ALG14: variants seen among roughly 807,000 people sequenced by gnomAD.
ALG14 encodes the protein ALG14 UDP-N-acetylglucosaminyltransferase subunit, also known as UDP-N-acetylglucosamine transferase subunit ALG14.
Under a neutral mutation model 22.8 loss-of-function variants are expected in ALG14, and 17 were observed. The observed-to-expected ratio is 0.75, with a 90% CI of 0.51 to 1.12. The LOEUF (loss-of-function observed/expected upper bound fraction) is 1.12. ALG14 is among the 50% of genes most tolerant of loss of function. The pLI is 0.00. For missense variants in ALG14, 288 were observed against 271.8 expected (o/e 1.06, Z -0.42); for synonymous variants, 89 against 103.7 (o/e 0.86, Z 0.86).
At chr1:95,061,789 C>T (rs1239514115) in intron 2 of ALG14, 1 of 152,266 alleles carries the variant, frequency 6.6e-6, no homozygotes, top group Non-Finnish European at 1.5e-5. Flanking sequence ...ATTCCATTCT[C>T]TAGGTCTCCA....
At chr1:94,990,298 A>G (rs143120047) in intron 3 of ALG14, among the ~76,000 whole-genome samples, 138 of 152,318 alleles carry the variant, frequency 9.1e-4, no homozygotes, top group Non-Finnish European at 1.2e-3. Flanking sequence ...AGGAAGGAAA[A>G]GGATGTGCAG....
chr1:95,037,126 A>G (rs1446625997), intron 2 of ALG14, among the ~76,000 whole-genome samples: 1 of 151,760 alleles, frequency 6.6e-6, no homozygotes, highest in Non-Finnish European at 1.5e-5. Flanking sequence ...CCTTTTATAA[A>G]TGCACATTTA....
intron 2 of ALG14, among the ~76,000 whole-genome samples, chr1:95,057,023 T>C (rs1571665405): frequency 7.5e-6 from 1 of 134,138 alleles, no homozygotes; most frequent in Non-Finnish European, 1.5e-5. Context: ...GCCACTGCAC[T>C]CCAGCCTGGG....
chr1:95,035,938 A>G (rs1023077116), intron 2 of ALG14: 1 of 152,248 alleles, frequency 6.6e-6, no homozygotes, highest in Non-Finnish European at 1.5e-5. Context: ...AAATGGTTTC[A>G]GCTTTCTTTC....
intron 2 of ALG14, chr1:95,035,918 A>G (rs1674176731): frequency 2.0e-5 from 3 of 152,266 alleles, no homozygotes; most frequent in South Asian, 2.1e-4. Context: ...GTAAAATTTC[A>G]TTCAACCAAA....
At chr1:95,004,344 C>T (rs188155762) in intron 3 of ALG14, among the ~76,000 whole-genome samples, 9 of 151,690 alleles carry the variant, frequency 5.9e-5, no homozygotes, top group Admixed American at 5.3e-4. Context: ...GACTCAGCCT[C>T]CTCAGTAGCT....
At chr1:95,067,720 C>G (rs1472693860) in intron 1 of ALG14, among the ~76,000 whole-genome samples, 1 of 152,328 alleles carries the variant, frequency 6.6e-6, no homozygotes, top group East Asian at 1.9e-4. Context: ...GTTTCTTGAT[C>G]TGTTCCCTGA....
intron 3 of ALG14, among the ~76,000 whole-genome samples, chr1:94,987,030 G>A (rs11165283): frequency 0.074 from 11,296 of 152,120 alleles, 461 homozygotes; most frequent in Middle Eastern, 0.1. Flanking sequence ...TGAGAAAGCC[G>A]CACATTTTCT....
rs1672419592 is a variant in ALG14, at chr1:94,977,480, T to C, written c.*5596A>G. 1 of 152,204 alleles carries C rather than the reference T, an allele frequency of 6.6e-6. No individual in the cohort carries two copies. Among genetic ancestry groups the C allele is most frequent in the Non-Finnish European group, 1.5e-5 (1 of 68,028 alleles). The allele number at this position is 152,204 out of a possible 1,614,324, so 9.4% of individuals were successfully genotyped here. A position where few individuals can be genotyped will look rare whatever the true frequency, so the allele number is the denominator to read the frequency against. On this transcript the variant is annotated 3_prime_UTR_variant, in exon 4 of 4. Transcript: ENST00000370205. ...TAAGATGTTATTTGCCTTTTCCTTG[T>C]CATTCTTATGATGGTATAGTTTTCC... is the stretch of plus-strand genomic sequence containing the variant.
chr1:95,047,545 T>C (rs1232790301), intron 2 of ALG14, among the ~76,000 whole-genome samples: 1 of 152,142 alleles, frequency 6.6e-6, no homozygotes, highest in Non-Finnish European at 1.5e-5. Flanking sequence ...GGTTTCACCA[T>C]GTTGGCCAGG....
chr1:95,045,870 G>T (rs1262823961), intron 2 of ALG14, among the ~76,000 whole-genome samples: 1 of 145,270 alleles, frequency 6.9e-6, no homozygotes, highest in African/African-American at 2.5e-5. Flanking sequence ...TATACTAATA[G>T]AATGGCATAG....
intron 3 of ALG14, among the ~76,000 whole-genome samples, chr1:95,023,471 G>T (rs575126225): frequency 2.8e-4 from 43 of 151,904 alleles, no homozygotes; most frequent in Non-Finnish European, 5.3e-4. Context: ...GCTCAAACTG[G>T]GTATGAAACA....
intron 2 of ALG14, among the ~76,000 whole-genome samples, chr1:95,047,495 C>G (rs1335294419): frequency 5.9e-5 from 9 of 152,070 alleles, no homozygotes; most frequent in Admixed American, 5.2e-4. Flanking sequence ...AGGCGCCCAC[C>G]ACCACGCCCA....
chr1:95,014,844 A>T (rs1161553293), intron 3 of ALG14, among the ~76,000 whole-genome samples: 1 of 152,234 alleles, frequency 6.6e-6, no homozygotes, highest in Non-Finnish European at 1.5e-5. Flanking sequence ...GTTTCAGGCT[A>T]TCTTAAGAAA....
Position 95,064,932 on chromosome 1 carries a change from A to T in ALG14, c.222T>A (p.Asp74Glu). The change falls in exon 2 of 4, where the codon GAT becomes GAA. Residue 74 changes from aspartate (D) to glutamate (E), a missense_variant. By Grantham distance (45) the Asp-to-Glu change is conservative. Transcript: ENST00000370205. ...AATTTATTTTATTGGCACTCATTTC[A>T]TCAGTGTCAGCAATGACATAATGTC... ...SPRHYVIADT[D>E]EMSANKINSF... The T allele has an allele frequency of 1.2e-5, 19 of 1,614,036 alleles. No individual in the cohort carries two copies. Among genetic ancestry groups the T allele is most frequent in the Non-Finnish European group, 1.6e-5 (19 of 1,179,932 alleles).
intron 3 of ALG14, among the ~76,000 whole-genome samples, chr1:94,983,795 G>A (rs1456960542): frequency 6.6e-6 from 1 of 151,440 alleles, no homozygotes; most frequent in Non-Finnish European, 1.5e-5. Flanking sequence ...AGGCTGGAGT[G>A]CAGTGGCGTG....
chr1:94,985,785 GTAAAT>G (rs910212097), intron 3 of ALG14, among the ~76,000 whole-genome samples: 2 of 151,894 alleles, frequency 1.3e-5, no homozygotes, highest in African/African-American at 4.8e-5. Flanking sequence ...AGATAAAAGT[GTAAAT>G]TAAAGGTATT....
chr1:95,057,996 G>T (rs1213868827), intron 2 of ALG14, among the ~76,000 whole-genome samples: 1 of 151,740 alleles, frequency 6.6e-6, no homozygotes, highest in Non-Finnish European at 1.5e-5. Flanking sequence ...CACAACAAAG[G>T]TATCTTCAGG....
chr1:95,006,716 C>T (rs978290354), intron 3 of ALG14, among the ~76,000 whole-genome samples: 7 of 152,322 alleles, frequency 4.6e-5, no homozygotes, highest in East Asian at 3.9e-4. Flanking sequence ...CGTATCTTCC[C>T]GACAAAGGTC....
Sources: allele counts gnomAD v4.1 joint callset (sites outside exome capture counted in the v4.1 genomes callset), GRCh38; gene constraint gnomAD v4.1.1; transcripts MANE v1.5; gene names NCBI Gene and HGNC (gene_info 2026-07-23, HGNC 2026-07-21).